The following GSG1L2 variants were observed in gnomAD, a reference collection of about 807,000 sequenced individuals.
GSG1L2 encodes germ cell-specific gene 1-like protein 2.
In GSG1L2, 15 loss-of-function variants were observed where a neutral mutation model predicts 9.0. That is an observed-to-expected ratio of 1.67 (90% CI 1.12 to 2.57). The LOEUF is 2.57. Ranked by LOEUF, GSG1L2 falls within the 30% of genes most tolerant of loss-of-function variation. The pLI, the probability that GSG1L2 is intolerant of heterozygous loss-of-function variation, is 0.00. For synonymous variants in GSG1L2, 127 were observed against 57.9 expected (o/e 2.19, Z -5.41); for missense variants, 286 against 150.3 (o/e 1.90, Z -4.72).
rs893679408 is a variant in GSG1L2, at chr17:9,801,234, G to T, written c.*1152C>A. Among the ~76,000 whole-genome samples the T allele has an allele frequency of 6.6e-6, 1 of 151,906 alleles. No individual in the cohort carries two copies. Among genetic ancestry groups the T allele is most frequent in the Non-Finnish European group, 1.5e-5 (1 of 67,980 alleles). On this transcript the variant is annotated 3_prime_UTR_variant, in exon 5 of 5. Coordinates refer to ENST00000399363, the MANE Select transcript of GSG1L2 (RefSeq NM_001310219.2). Reference sequence around the variant, plus strand: ...TTCTTTTTCTTTTTTTTGAGACAGGGTCTCACTCTATTGCCCAGGCTGGAG... The same window carrying T: ...TTCTTTTTCTTTTTTTTGAGACAGGTTCTCACTCTATTGCCCAGGCTGGAG...
intron 2 of GSG1L2, chr17:9,809,436 G>A (rs535057578): frequency 1.7e-5 from 3 of 175,766 alleles, no homozygotes; most frequent in Non-Finnish European, 2.4e-5. Flanking sequence ...ATTGTGAAGA[G>A]TGAAAGGACG....
chr17:9,820,705 C>G lies in GSG1L2; in HGVS notation c.310+1057G>C, dbSNP rs1197320169. On this transcript the variant is annotated intron_variant, in intron 1 of 4. Transcript: ENST00000399363. This position sits in a 1 kb window ranked among gnomAD's most constrained non-coding sequence, Gnocchi z 4.9. Reference sequence around the variant, plus strand: ...TTGAGACAGGTCTCGCTCTATCATTCAGGCTGGAGGGCAGTCACACGATGA... The same window carrying G: ...TTGAGACAGGTCTCGCTCTATCATTGAGGCTGGAGGGCAGTCACACGATGA... Among the ~76,000 whole-genome samples the G allele has an allele frequency of 6.6e-6, 1 of 150,972 alleles. No homozygotes were observed. Among genetic ancestry groups the G allele is most frequent in the Non-Finnish European group, 1.5e-5 (1 of 67,860 alleles).
chr17:9,807,443 T>TCTCTCCTGATCCTCCAGGACTTCAGCAC, intron 4 of GSG1L2, 47 bp downstream of exon 4: 2 of 701,834 alleles, frequency 2.8e-6, no homozygotes, highest in Non-Finnish European at 5.2e-6. Context: ...TTTATGTGCA[T>TCTCTCCTGATCCTCCAGGACTTCAGCAC]CTCTCCTGAT....
In GSG1L2 at chr17:9,822,029, CAG is replaced by C. The variant is rs1567712765; in HGVS notation, c.41_42del (p.Pro14ArgfsTer19). 1.4e-6 allele frequency: 1 copy of C among 702,652 alleles called. No homozygotes were observed. The highest frequency in any genetic ancestry group is 2.6e-6 in the Non-Finnish European group (1 of 384,970). The allele number at this position is 702,652 out of a possible 1,614,324, so 43.5% of individuals were successfully genotyped here. On this transcript the variant is annotated frameshift_variant, in exon 1 of 5. Coordinates refer to ENST00000399363, the MANE Select transcript of GSG1L2 (RefSeq NM_001310219.2). LOFTEE classifies it high-confidence loss of function. Reference protein sequence around the residue: ...AKQQQALLLLPVCLALTFSLT... With the variant: ...AKQQQALLLLXVCLALTFSLT... ...AGGGAGAAGGTGAGGGCGAGGCAGA[CAG>C]GGAGGAGGAGCAGCGCCTGCTGCTG...
rs560474622 is a variant in GSG1L2, at chr17:9,801,382, GTTT to G, written c.*1001_*1003del. 7.1e-6 allele frequency among the ~76,000 whole-genome samples: 1 copy of G among 140,358 alleles called. No homozygotes were observed. The highest frequency in any genetic ancestry group is 2.6e-5 in the African/African-American group (1 of 38,386). 92.1% of individuals were successfully genotyped at this position (140,358 alleles called of 152,430 possible). ...GCCACCATGCTTGGCTATTTTTGATGTTTTTTTTTTTTTAGTAGAGACAGGGTT... is the reference window on the plus strand; with the variant it reads ...GCCACCATGCTTGGCTATTTTTGATGTTTTTTTTTTAGTAGAGACAGGGTT... On this transcript the variant is annotated 3_prime_UTR_variant, in exon 5 of 5. Transcript: ENST00000399363.
chr17:9,821,774 G>T lies in GSG1L2; in HGVS notation c.298C>A (p.Leu100Ile). Residue 100 changes from leucine to isoleucine, a missense_variant, in exon 1 of 5, where the codon CTC becomes ATC. Coordinates refer to ENST00000399363, the MANE Select transcript of GSG1L2 (RefSeq NM_001310219.2). ...AGGCTTTGCTCACCTTCACCGTTGA[G>T]GCTCTCCTCGCAGGACTGCCAGAGC... ...VGLWQSCEES[L>I]NGEDEKCRSF... 1 of 702,950 alleles carries T rather than the reference G, an allele frequency of 1.4e-6. No individual in the cohort carries two copies. Among genetic ancestry groups the T allele is most frequent in the Admixed American group, 2.0e-5 (1 of 49,990 alleles). 43.5% of individuals were successfully genotyped at this position (702,950 alleles called of 1,614,324 possible). A position where few individuals can be genotyped will look rare whatever the true frequency, so the allele number is the denominator to read the frequency against.
chr17:9,812,840 C>A (rs1029331680), intron 1 of GSG1L2, among the ~76,000 whole-genome samples: 6 of 152,160 alleles, frequency 3.9e-5, no homozygotes, highest in Non-Finnish European at 7.3e-5. Context: ...TGGGCTCAAG[C>A]AATCTGCCCA....
intron 1 of GSG1L2, among the ~76,000 whole-genome samples, chr17:9,813,771 A>G (rs2066548743): frequency 6.6e-6 from 1 of 152,174 alleles, no homozygotes; most frequent in African/African-American, 2.4e-5. Flanking sequence ...AATGTGTGGC[A>G]TTTACATCCA....
rs1271225342 is a variant in GSG1L2, at chr17:9,820,672, T to A, written c.310+1090A>T. On this transcript the variant is annotated intron_variant, in intron 1 of 4. Transcript: ENST00000399363. The surrounding 1 kb of genome is among the most constrained non-coding windows in gnomAD (Gnocchi z 4.9). ...ACCTCTGAGTGTTCCTTTTTTTTTTTTTTTAATTTGAGACAGGTCTCGCTC... is the reference window on the plus strand; with the variant it reads ...ACCTCTGAGTGTTCCTTTTTTTTTTATTTTAATTTGAGACAGGTCTCGCTC... 7.2e-5 allele frequency among the ~76,000 whole-genome samples: 11 copies of A among 151,826 alleles called. No homozygotes were observed. The highest frequency in any genetic ancestry group is 5.9e-4 in the Admixed American group (9 of 15,236).
At chr17:9,808,189 T>C (rs1412995557) in intron 3 of GSG1L2, among the ~76,000 whole-genome samples, 3 of 152,164 alleles carry the variant, frequency 2.0e-5, no homozygotes, top group Non-Finnish European at 4.4e-5. Flanking sequence ...ATATCCAGTT[T>C]GAGGACTAAA....
At position 9,816,433 on chromosome 17, in the gene GSG1L2, TCTCTCTGTGTGC is replaced by T. The variant is rs1236476367; in HGVS notation, c.310+5317_310+5328del. 8.8e-3 allele frequency among the ~76,000 whole-genome samples: 1,260 copies of T among 143,380 alleles called. 28 individuals carry two copies. The highest frequency in any genetic ancestry group is 0.031 in the African/African-American group (1,187 of 38,166). The allele number at this position is 143,380 out of a possible 152,430, so 94.1% of individuals were successfully genotyped here. A position where few individuals can be genotyped will look rare whatever the true frequency, so the allele number is the denominator to read the frequency against. ...GTGTGTGTCTGTGTGTGTGCGTGTG[TCTCTCTGTGTGC>T]GTGTGTCTGTGTGTGCGTCCGTGTG... On this transcript the variant is annotated intron_variant, in intron 1 of 4. Transcript: ENST00000399363.
At chr17:9,806,558 T>A (rs1371157320) in intron 4 of GSG1L2, among the ~76,000 whole-genome samples, 2 of 152,214 alleles carry the variant, frequency 1.3e-5, no homozygotes, top group Non-Finnish European at 2.9e-5. Context: ...AACAGACCAT[T>A]CTTCAGGCTC....
chr17:9,813,700 G>A (rs1183407147), intron 1 of GSG1L2, among the ~76,000 whole-genome samples: 4 of 152,170 alleles, frequency 2.6e-5, no homozygotes, highest in African/African-American at 4.8e-5. Flanking sequence ...CGCCTCATCC[G>A]ATCCCAACCA....
Position 9,820,831 on chromosome 17 carries a change from C to A in GSG1L2, c.310+931G>T, listed in dbSNP as rs967389851. Among the ~76,000 whole-genome samples the A allele has an allele frequency of 2.0e-5, 3 of 152,066 alleles. No individual in the cohort carries two copies. The highest frequency in any genetic ancestry group is 2.9e-5 in the Non-Finnish European group (2 of 67,968). On this transcript the variant is annotated intron_variant, in intron 1 of 4. Transcript: ENST00000399363. This position sits in a 1 kb window ranked among gnomAD's most constrained non-coding sequence, Gnocchi z 4.9. The stretch of plus-strand genomic sequence containing the variant: ...ATGTCCAGCTAATTTTTTAAAAAAA[C>A]CTTTTGTAAAGAGAGGTCTCACTAT...
intron 2 of GSG1L2, 142 bp downstream of exon 2, chr17:9,810,428 GC>G (rs2066534679): frequency 1.6e-6 from 1 of 634,722 alleles, no homozygotes; most frequent in Non-Finnish European, 2.8e-6. Context: ...CAGGAAGAGA[GC>G]CTGTGGTTCT....
In GSG1L2 at chr17:9,802,498, G is replaced by A. The variant is rs1389486381; in HGVS notation, c.770C>T (p.Ala257Val). ...TCCTGTTTTCCAAATGCTCTCCGAAGCCTCGGGTTCCAGGAAGCTGTGTTG... is the reference window on the plus strand; with the variant it reads ...TCCTGTTTTCCAAATGCTCTCCGAAACCTCGGGTTCCAGGAAGCTGTGTTG... ...HSQHSFLEPE[A>V]SESIWKTGAA... is the part of the protein sequence containing the mutation. Residue 257 changes from alanine to valine, a missense_variant, in exon 5 of 5, where the codon GCT (alanine) becomes GTT (valine). Transcript: ENST00000399363. The A allele has an allele frequency of 1.4e-6, 1 of 702,786 alleles. No individual in the cohort carries two copies. Among genetic ancestry groups the A allele is most frequent in the Admixed American group, 2.0e-5 (1 of 49,974 alleles). The allele number at this position is 702,786 out of a possible 1,614,324, so 43.5% of individuals were successfully genotyped here.
At chr17:9,812,872 G>A (rs964896510) in intron 1 of GSG1L2, among the ~76,000 whole-genome samples, 7 of 152,162 alleles carry the variant, frequency 4.6e-5, no homozygotes, top group African/African-American at 1.4e-4. Flanking sequence ...CAAAGTGTTA[G>A]GATAACAGGC....
At chr17:9,806,477 C>A (rs2066516690) in intron 4 of GSG1L2, among the ~76,000 whole-genome samples, 1 of 152,168 alleles carries the variant, frequency 6.6e-6, no homozygotes, top group African/African-American at 2.4e-5. Flanking sequence ...TTTACATATG[C>A]TTCTTTTGCT....
At position 9,820,870 on chromosome 17, in the gene GSG1L2, C is replaced by A. The variant is rs1228993672; in HGVS notation, c.310+892G>T. On this transcript the variant is annotated intron_variant, in intron 1 of 4. Transcript: ENST00000399363. This position sits in a 1 kb window ranked among gnomAD's most constrained non-coding sequence, Gnocchi z 4.9. ...AGGTCTCACTATGTTGCCTATGTTG[C>A]CAGGCTGGTCTGTAACTCCTGGTCT... Among the ~76,000 whole-genome samples, 5 of 152,102 alleles carry A rather than the reference C, an allele frequency of 3.3e-5. No individual in the cohort carries two copies. The highest frequency in any genetic ancestry group is 1.2e-4 in the African/African-American group (5 of 41,484).
Sources: allele counts gnomAD v4.1 joint callset (sites outside exome capture counted in the v4.1 genomes callset), GRCh38; gene constraint gnomAD v4.1.1; non-coding constraint Gnocchi (gnomAD v3.1); transcripts MANE v1.5; gene names NCBI Gene and HGNC (gene_info 2026-07-23, HGNC 2026-07-21).